Variants in TAX1BP1 observed in about 807,000 individuals in gnomAD.
TAX1BP1 encodes Tax1 binding protein 1.
TAX1BP1 carries 62 observed loss-of-function variants against 97.7 expected under a neutral mutation model. That is an observed-to-expected ratio of 0.63 (90% CI 0.52 to 0.78). The LOEUF (loss-of-function observed/expected upper bound fraction) is 0.78. TAX1BP1 is among the 30% of genes least tolerant of loss of function. TAX1BP1 has a pLI of 0.00. For missense variants in TAX1BP1, 867 were observed against 916.1 expected (o/e 0.95, Z 0.69); for synonymous variants, 340 against 304.2 (o/e 1.12, Z -1.23).
chr7:27,802,715 C>T (rs1790186787), intron 13 of TAX1BP1, among the ~76,000 whole-genome samples: 1 of 151,992 alleles, frequency 6.6e-6, no homozygotes, highest in African/African-American at 2.4e-5. Flanking sequence ...GAAAGTGGTA[C>T]ACGAGTTAAT....
chr7:27,760,547 C>A (rs1455941677), intron 3 of TAX1BP1, among the ~76,000 whole-genome samples: 1 of 152,036 alleles, frequency 6.6e-6, no homozygotes, highest in East Asian at 1.9e-4. Context: ...CGCCCGCCAC[C>A]ATGCCTGGCT....
intron 15 of TAX1BP1, among the ~76,000 whole-genome samples, chr7:27,823,676 A>G (rs1791065023): frequency 6.6e-6 from 1 of 152,148 alleles, no homozygotes; most frequent in Non-Finnish European, 1.5e-5. Context: ...ATTTTTAAGC[A>G]TATAGTTCTG....
chr7:27,742,479 A>G (rs1787656995), intron 1 of TAX1BP1, among the ~76,000 whole-genome samples: 1 of 152,168 alleles, frequency 6.6e-6, no homozygotes, highest in Non-Finnish European at 1.5e-5. Flanking sequence ...TTCAGAGAGC[A>G]CGGGGTTGGT....
chr7:27,748,845 T>C (rs1298873833), intron 2 of TAX1BP1, among the ~76,000 whole-genome samples, 159 bp downstream of exon 2: 2 of 152,242 alleles, frequency 1.3e-5, no homozygotes, highest in Non-Finnish European at 2.9e-5. Flanking sequence ...ATAAAATGGA[T>C]GTTGGGAACT....
chr7:27,815,290 T>C (rs1291458294), intron 13 of TAX1BP1, among the ~76,000 whole-genome samples: 1 of 152,172 alleles, frequency 6.6e-6, no homozygotes, highest in Non-Finnish European at 1.5e-5. Flanking sequence ...TTTTATGAGG[T>C]TAAGAGAGCT....
At chr7:27,763,998 A>G (rs1788528510) in intron 3 of TAX1BP1, among the ~76,000 whole-genome samples, 1 of 152,224 alleles carries the variant, frequency 6.6e-6, no homozygotes, top group Non-Finnish European at 1.5e-5. Context: ...TATGATATTT[A>G]TTTAAACTTT....
chr7:27,826,187 T>C (rs1791171859), intron 15 of TAX1BP1, among the ~76,000 whole-genome samples: 1 of 152,240 alleles, frequency 6.6e-6, no homozygotes, highest in South Asian at 2.1e-4. Flanking sequence ...GTCTGGATTT[T>C]AGTTACTTGA....
At chr7:27,803,602 T>TAA (rs1790224957) in intron 13 of TAX1BP1, among the ~76,000 whole-genome samples, 1 of 152,198 alleles carries the variant, frequency 6.6e-6, no homozygotes, top group Non-Finnish European at 1.5e-5. Context: ...AAACTGCTTG[T>TAA]GTATTATTAT....
Position 27,792,131 on chromosome 7 carries a change from G to C in TAX1BP1, c.1164G>C (p.Met388Ile). 6.2e-7 allele frequency: 1 copy of C among 1,614,026 alleles called. No homozygotes were observed. Among genetic ancestry groups the C allele is most frequent in the Non-Finnish European group, 8.5e-7 (1 of 1,180,026 alleles). ...SDAVNVRDRT[M>I]ADLHTARLEN... ...CTGTCAACGTACGAGACAGAACGAT[G>C]GCAGACCTGCATACTGCACGCTTGG... Residue 388 changes from methionine to isoleucine, a missense_variant, in exon 9 of 17, where the codon ATG (methionine) becomes ATC (isoleucine). Coordinates refer to ENST00000396319, the MANE Select transcript of TAX1BP1 (RefSeq NM_006024.7).
chr7:27,779,205 G>A (rs1228219260), intron 5 of TAX1BP1, among the ~76,000 whole-genome samples: 1 of 151,924 alleles, frequency 6.6e-6, no homozygotes, highest in East Asian at 1.9e-4. Context: ...TTCCCAGCTG[G>A]CCTCAGACTC....
chr7:27,764,079 G>T (rs1562705687), intron 3 of TAX1BP1, among the ~76,000 whole-genome samples: 2 of 152,156 alleles, frequency 1.3e-5, no homozygotes, highest in African/African-American at 2.4e-5. Context: ...TATGCCCTTT[G>T]CCCATCTTCG....
At chr7:27,786,191 G>A (rs1455315005) in intron 7 of TAX1BP1, among the ~76,000 whole-genome samples, 1 of 151,272 alleles carries the variant, frequency 6.6e-6, no homozygotes, top group Non-Finnish European at 1.5e-5. Context: ...AAGTGCAGTG[G>A]TGCGATCTCG....
chr7:27,828,951 T>G lies in TAX1BP1; in HGVS notation c.*122T>G, dbSNP rs1782593351. On this transcript the variant is annotated 3_prime_UTR_variant, in exon 17 of 17. Transcript: ENST00000396319. ...TTCATGCACCCTTTACTGCACTTTC[T>G]GACCAGGAGCTACTTTGAGTTTGGT... 1 of 711,004 alleles carries G rather than the reference T, an allele frequency of 1.4e-6. No individual in the cohort carries two copies. The highest frequency in any genetic ancestry group is 3.1e-5 in the Admixed American group (1 of 31,786). The allele number at this position is 711,004 out of a possible 1,614,324, so 44.0% of individuals were successfully genotyped here.
Position 27,816,362 on chromosome 7 carries a change from G to T in TAX1BP1, c.1778G>T (p.Ser593Ile). Reference sequence around the variant, plus strand: ...TGTTAATTTTAGGAACTTAAAAGGAGTCTAGAAAATCCAGCAGAAAGGAAA... The same window carrying T: ...TGTTAATTTTAGGAACTTAAAAGGATTCTAGAAAATCCAGCAGAAAGGAAA... ...VQDNYKELKRSLENPAERKME... is the reference protein window; with the variant it reads ...VQDNYKELKRILENPAERKME... The change falls in exon 14 of 17, where the codon AGT (serine) becomes ATT (isoleucine). Residue 593 changes from serine to isoleucine, a missense_variant. By Grantham distance (142) the Ser-to-Ile change is moderately radical (BLOSUM62 -2). Around this residue, in one of 3 missense-constraint regions of TAX1BP1, gnomAD observed 822 missense variants for 851.4 expected, o/e 0.97. Coordinates refer to ENST00000396319, the MANE Select transcript of TAX1BP1 (RefSeq NM_006024.7). 6.3e-7 allele frequency: 1 copy of T among 1,575,472 alleles called. No homozygotes were observed. Among genetic ancestry groups the T allele is most frequent in the Non-Finnish European group, 8.6e-7 (1 of 1,168,872 alleles).
chr7:27,786,145 T>G (rs1789469448), intron 7 of TAX1BP1, among the ~76,000 whole-genome samples: 1 of 151,680 alleles, frequency 6.6e-6, no homozygotes, highest in Non-Finnish European at 1.5e-5. Flanking sequence ...TTTTTTTTTT[T>G]TTTTGAGATG....
intron 5 of TAX1BP1, 140 bp downstream of exon 5, chr7:27,769,974 C>A: frequency 2.8e-6 from 2 of 709,680 alleles, no homozygotes; most frequent in Non-Finnish European, 4.7e-6. Flanking sequence ...TATACAAGAA[C>A]AGGTCAGTTC....
At chr7:27,771,097 ATTTTTTTTTTTTTTTTTTTTT>A (rs57751582) in intron 5 of TAX1BP1, among the ~76,000 whole-genome samples, 1 of 40,570 alleles carries the variant, frequency 2.5e-5, no homozygotes, top group Non-Finnish European at 5.0e-5. Flanking sequence ...ACATTCAGCA[ATTTTTTTTTTTTTTTTTTTTT>A]TTTTTTTTTT....
At chr7:27,824,347 G>A (rs1791087304) in intron 15 of TAX1BP1, among the ~76,000 whole-genome samples, 2 of 151,798 alleles carry the variant, frequency 1.3e-5, no homozygotes, top group South Asian at 4.2e-4. Context: ...AGGACTGCTT[G>A]AGCCCAGGAG....
intron 5 of TAX1BP1, among the ~76,000 whole-genome samples, chr7:27,779,173 T>C (rs1789149815): frequency 6.6e-6 from 1 of 152,180 alleles, no homozygotes; most frequent in Non-Finnish European, 1.5e-5. Context: ...TTTTAAAATA[T>C]AGAGACAAGG....
Sources: gnomAD v4.1 joint callset for allele counts (sites outside exome capture counted in the v4.1 genomes callset) on GRCh38, gnomAD v4.1.1 for gene constraint, gnomAD v4.1.1 regional missense constraint, MANE v1.5 for transcripts, NCBI Gene and HGNC (gene_info 2026-07-23, HGNC 2026-07-21) for gene names.